Variants in KLHL21 observed in about 807,000 individuals in gnomAD.
KLHL21 encodes kelch-like protein 21.
A neutral mutation model predicts 44.1 loss-of-function variants in KLHL21; 42 were observed. That is an observed-to-expected ratio of 0.95 (90% confidence interval 0.74 to 1.23). The LOEUF (loss-of-function observed/expected upper bound fraction) is 1.23. Ranked by LOEUF, KLHL21 falls within the 50% of genes most tolerant of loss-of-function variation. The pLI is 0.00. For missense variants in KLHL21, 918 were observed against 889.1 expected (o/e 1.03, Z -0.41); for synonymous variants, 524 against 411.6 (o/e 1.27, Z -3.31).
In KLHL21 at chr1:6,591,335, T is replaced by C; in HGVS notation, c.*2030A>G. ...GCACTGGCTCGCACCACAGCCCTCA[T>C]CTGAGTGGCCGACACAAGCCTGGAG... is the stretch of plus-strand genomic sequence containing the variant. On this transcript the variant is annotated 3_prime_UTR_variant, in exon 4 of 4. Coordinates refer to ENST00000377658, the MANE Select transcript of KLHL21 (RefSeq NM_014851.4). 1 of 260,856 alleles carries C rather than the reference T, an allele frequency of 3.8e-6. No homozygotes were observed. Among genetic ancestry groups the C allele is most frequent in the Admixed American group, 5.4e-5 (1 of 18,408 alleles). The allele number at this position is 260,856 out of a possible 1,614,324, so 16.2% of individuals were successfully genotyped here.
intron 2 of KLHL21, 40 bp downstream of exon 2, chr1:6,599,007 G>T (rs939198780): frequency 6.6e-7 from 1 of 1,525,604 alleles, no homozygotes; most frequent in Non-Finnish European, 8.8e-7. Flanking sequence ...CCTGGTAAGA[G>T]ACACCAAACA....
At chr1:6,600,951 G>GGA (rs1400461150) in intron 1 of KLHL21, among the ~76,000 whole-genome samples, 1 of 152,212 alleles carries the variant, frequency 6.6e-6, no homozygotes, top group Non-Finnish European at 1.5e-5. Flanking sequence ...GCACGTCCCA[G>GGA]AGTGGGCTCT....
intron 1 of KLHL21, among the ~76,000 whole-genome samples, chr1:6,601,508 T>C (rs1271240659): frequency 6.6e-6 from 1 of 152,168 alleles, no homozygotes; most frequent in East Asian, 1.9e-4. Flanking sequence ...CCCCAGTATC[T>C]TCCAACCAAG....
Position 6,593,299 on chromosome 1 carries a change from A to G in KLHL21, c.*66T>C. The G allele has an allele frequency of 6.9e-7, 1 of 1,455,000 alleles. No homozygotes were observed. The allele number at this position is 1,455,000 out of a possible 1,614,324, so 90.1% of individuals were successfully genotyped here. ...CCCAACGTGTCCTTGTGCACAAAGG[A>G]GTGGGGCACTGCCCCGCAGAGGTGC... On this transcript the variant is annotated 3_prime_UTR_variant, in exon 4 of 4. Coordinates refer to ENST00000377658, the MANE Select transcript of KLHL21 (RefSeq NM_014851.4).
At position 6,602,621 on chromosome 1, in the gene KLHL21, G is replaced by T; in HGVS notation, c.197C>A (p.Ala66Glu). ...AASPYFRAMFAGQLRESRAER... is the reference protein window; with the variant it reads ...AASPYFRAMFEGQLRESRAER... ...GGCGCGGCTCTCGCGCAGCTGCCCCGCGAACATGGCGCGGAAGTAGGGGCT... is the reference window on the plus strand; with the variant it reads ...GGCGCGGCTCTCGCGCAGCTGCCCCTCGAACATGGCGCGGAAGTAGGGGCT... Residue 66 changes from alanine to glutamate, a missense_variant, in exon 1 of 4, where the codon GCG (alanine) becomes GAG (glutamate). By Grantham distance (107) the Ala-to-Glu change is moderately radical (BLOSUM62 -1). Transcript: ENST00000377658. 1 of 1,519,898 alleles carries T rather than the reference G, an allele frequency of 6.6e-7. No individual in the cohort carries two copies. 94.2% of individuals were successfully genotyped at this position (1,519,898 alleles called of 1,614,324 possible). A position where few individuals can be genotyped will look rare whatever the true frequency, so the allele number is the denominator to read the frequency against.
chr1:6,600,174 T>G (rs1640995271), intron 1 of KLHL21, among the ~76,000 whole-genome samples: 1 of 152,050 alleles, frequency 6.6e-6, no homozygotes, highest in Non-Finnish European at 1.5e-5. Context: ...GCCTCCTGAG[T>G]GGCTGGGACA....
chr1:6,601,472 A>C (rs114714390), intron 1 of KLHL21, among the ~76,000 whole-genome samples: 2 of 152,298 alleles, frequency 1.3e-5, no homozygotes, highest in African/African-American at 2.4e-5. Context: ...GGAGAAAAAG[A>C]AAGCACCCAT....
Position 6,591,107 on chromosome 1 carries a change from G to A in KLHL21, c.*2258C>T, listed in dbSNP as rs1640842063. ...GACAGCCCAGAACCCACAGCAGAGG[G>A]AAACTGGGGAGAGGAGGGGGCCTGA... is the stretch of plus-strand genomic sequence containing the variant. On this transcript the variant is annotated 3_prime_UTR_variant, in exon 4 of 4. Coordinates refer to ENST00000377658, the MANE Select transcript of KLHL21 (RefSeq NM_014851.4). 6 of 398,352 alleles carry A rather than the reference G, an allele frequency of 1.5e-5. No homozygotes were observed. The highest frequency in any genetic ancestry group is 7.1e-5 in the East Asian group (2 of 28,070). The allele number at this position is 398,352 out of a possible 1,614,324, so 24.7% of individuals were successfully genotyped here. A position where few individuals can be genotyped will look rare whatever the true frequency, so the allele number is the denominator to read the frequency against.
At chr1:6,599,847 G>C (rs1209133478) in intron 1 of KLHL21, 1 of 189,038 alleles carries the variant, frequency 5.3e-6, no homozygotes, top group African/African-American at 2.3e-5. Context: ...CTAACTCCTA[G>C]GCTTCCTGGG....
At position 6,590,971 on chromosome 1, in the gene KLHL21, CTT is replaced by C; in HGVS notation, c.*2392_*2393del. 2.5e-6 allele frequency: 1 copy of C among 398,674 alleles called. No individual in the cohort carries two copies. The allele number at this position is 398,674 out of a possible 1,614,324, so 24.7% of individuals were successfully genotyped here. On this transcript the variant is annotated 3_prime_UTR_variant, in exon 4 of 4. Coordinates refer to ENST00000377658, the MANE Select transcript of KLHL21 (RefSeq NM_014851.4). ...AATACCAGTCACTGTGTTTATATAA[CTT>C]AATTTGTGCTGTAGACAAAGTTCTG...
At chr1:6,597,516 C>T (rs1021453034) in intron 2 of KLHL21, among the ~76,000 whole-genome samples, 5 of 152,224 alleles carry the variant, frequency 3.3e-5, no homozygotes, top group African/African-American at 1.2e-4. Flanking sequence ...CCAGAGCTGG[C>T]TGAGATTCCA....
intron 2 of KLHL21, 29 bp downstream of exon 2, chr1:6,599,018 C>A: frequency 6.5e-7 from 1 of 1,543,176 alleles, no homozygotes; most frequent in Admixed American, 1.9e-5. Context: ...ACACCAAACA[C>A]ACAGTGGGGC....
intron 2 of KLHL21, among the ~76,000 whole-genome samples, chr1:6,597,239 G>A (rs1402031621): frequency 6.6e-6 from 1 of 152,194 alleles, no homozygotes; most frequent in Admixed American, 6.5e-5. Flanking sequence ...TGGCGGGGCA[G>A]ACCCTCATGC....
chr1:6,599,672 T>C lies in KLHL21; in HGVS notation c.1022-220A>G. ...AGCGAGATGACTGCTGCCAAGCCTC[T>C]ACCAAACAAAGGTCCTGAGTGCAAT... is the stretch of plus-strand genomic sequence containing the variant. On this transcript the variant is annotated intron_variant, in intron 1 of 3. Coordinates refer to ENST00000377658, the MANE Select transcript of KLHL21 (RefSeq NM_014851.4). 5 of 587,006 alleles carry C rather than the reference T, an allele frequency of 8.5e-6. 2 individuals carry two copies. The South Asian group carries it at 1.0e-4, about 12-fold the overall frequency. 36.4% of individuals were successfully genotyped at this position (587,006 alleles called of 1,614,324 possible). A position where few individuals can be genotyped will look rare whatever the true frequency, so the allele number is the denominator to read the frequency against.
chr1:6,595,674 T>C, intron 2 of KLHL21, 117 bp from the exon 3 acceptor site: 1 of 834,620 alleles, frequency 1.2e-6, no homozygotes. Context: ...TGGATCTTTC[T>C]GATGCCATCC....
Position 6,593,453 on chromosome 1 carries a change from C to A in KLHL21, c.1706G>T (p.Gly569Val). Residue 569 changes from glycine to valine, a missense_variant, in exon 4 of 4, where the codon GGT becomes GTT. Transcript: ENST00000377658. Reference protein sequence around the residue: ...FRQFMPQTFSGGRGFELDSGS... With the variant: ...FRQFMPQTFSVGRGFELDSGS... ...ACTGTCCAACTCGAAGCCACGCCCA[C>A]CCGAGAAGGTCTGGGGCATGAACTG... is the stretch of plus-strand genomic sequence containing the variant. 1 of 1,613,600 alleles carries A rather than the reference C, an allele frequency of 6.2e-7. No individual in the cohort carries two copies. The highest frequency in any genetic ancestry group is 8.5e-7 in the Non-Finnish European group (1 of 1,179,976).
At chr1:6,596,302 G>A (rs535657157) in intron 2 of KLHL21, among the ~76,000 whole-genome samples, 2 of 152,342 alleles carry the variant, frequency 1.3e-5, no homozygotes, top group African/African-American at 4.8e-5. Context: ...AGGAGGCTGA[G>A]GTAGGAAAAT....
Position 6,602,702 on chromosome 1 carries a change from A to G in KLHL21, c.116T>C (p.Leu39Pro). 1 of 1,513,774 alleles carries G rather than the reference A, an allele frequency of 6.6e-7. No homozygotes were observed. Among genetic ancestry groups the G allele is most frequent in the Non-Finnish European group, 8.8e-7 (1 of 1,138,574 alleles). The allele number at this position is 1,513,774 out of a possible 1,614,324, so 93.8% of individuals were successfully genotyped here. Residue 39 changes from leucine to proline, a missense_variant, in exon 1 of 4, where the codon CTG becomes CCG. Coordinates refer to ENST00000377658, the MANE Select transcript of KLHL21 (RefSeq NM_014851.4). The stretch of plus-strand genomic sequence containing the variant: ...GAAGTCGCGCCCGCCCGCCGCCTCC[A>G]GGGTCACGTCCAGGAACTTGCGCTC... ...RAERKFLDVT[L>P]EAAGGRDFPA... is the part of the protein sequence containing the mutation.
chr1:6,598,621 G>A (rs1640961682), intron 2 of KLHL21, among the ~76,000 whole-genome samples: 1 of 152,074 alleles, frequency 6.6e-6, no homozygotes, highest in East Asian at 1.9e-4. Context: ...AGTGGCTCAC[G>A]CCCGTAATCC....
Sources: gnomAD v4.1 joint callset for allele counts (sites outside exome capture counted in the v4.1 genomes callset) on GRCh38, gnomAD v4.1.1 for gene constraint, MANE v1.5 for transcripts, NCBI Gene and HGNC (gene_info 2026-07-23, HGNC 2026-07-21) for gene names.